The following DPP10 variants were observed in gnomAD, a reference collection of about 807,000 sequenced individuals.
DPP10 encodes the protein inactive dipeptidyl peptidase 10.
In DPP10, 33 loss-of-function variants were observed where a neutral mutation model predicts 120.9. The ratio of observed to expected loss-of-function variants is 0.27; its 90% CI spans 0.21 to 0.37. The LOEUF (loss-of-function observed/expected upper bound fraction) is 0.37, where lower values mean the gene tolerates loss of function less well. Among genes scored for constraint, DPP10 ranks in the 10% least tolerant of loss-of-function variants. DPP10 has a pLI of 1.00. For missense variants in DPP10, 816 were observed against 942.8 expected, an observed-to-expected ratio of 0.87 and a Z score of 1.76; for synonymous variants, 337 against 326.1, an observed-to-expected ratio of 1.03 and a Z score of -0.36.
At chr2:115,015,214 C>A (rs181218112) in intron 1 of DPP10, among the ~76,000 whole-genome samples, 1 of 152,124 alleles carries the variant, frequency 6.6e-6, no homozygotes, top group Admixed American at 6.6e-5. Flanking sequence ...AATCAGTAAA[C>A]GTAACCCATT....
At chr2:115,445,382 G>A (rs2072481374) in intron 3 of DPP10, among the ~76,000 whole-genome samples, 1 of 152,162 alleles carries the variant, frequency 6.6e-6, no homozygotes, top group African/African-American at 2.4e-5. Context: ...GAAGAAGACA[G>A]GAAGATATGG....
intron 1 of DPP10, among the ~76,000 whole-genome samples, chr2:114,964,887 T>C (rs980518177): frequency 5.3e-5 from 8 of 152,124 alleles, no homozygotes; most frequent in African/African-American, 1.4e-4. Context: ...AAGAATTCAG[T>C]TGTGAAATGA....
At chr2:114,688,269 T>G (rs565529507) in intron 1 of DPP10, among the ~76,000 whole-genome samples, 1 of 152,114 alleles carries the variant, frequency 6.6e-6, no homozygotes, top group South Asian at 2.1e-4. Flanking sequence ...AAACCTGCAC[T>G]TGTATCTCCT....
chr2:115,370,822 C>T (rs924988463), intron 3 of DPP10, among the ~76,000 whole-genome samples: 7 of 151,814 alleles, frequency 4.6e-5, no homozygotes, highest in African/African-American at 9.7e-5. Flanking sequence ...GTTTGGGGTA[C>T]GCGTTAAGTA....
intron 5 of DPP10, chr2:115,580,266 A>C (rs2081937242): frequency 6.6e-6 from 1 of 152,340 alleles, no homozygotes; most frequent in African/African-American, 2.4e-5. Context: ...TAAATGAAAA[A>C]GTTGGTTAGA....
intron 3 of DPP10, among the ~76,000 whole-genome samples, chr2:115,376,331 G>C (rs1011934609): frequency 6.6e-6 from 1 of 151,994 alleles, no homozygotes; most frequent in African/African-American, 2.4e-5. Context: ...GAAGAATTTT[G>C]AGTTTTGCCC....
At chr2:115,698,146 T>TA in intron 7 of DPP10, among the ~76,000 whole-genome samples, 1 of 152,272 alleles carries the variant, frequency 6.6e-6, no homozygotes, top group East Asian at 1.9e-4. Flanking sequence ...CAATAGCTTT[T>TA]AAAAAATTAT....
At chr2:115,751,960 G>C (rs572411943) in intron 10 of DPP10, among the ~76,000 whole-genome samples, 2 of 138,858 alleles carry the variant, frequency 1.4e-5, no homozygotes, top group Admixed American at 1.4e-4. Context: ...CACAACACCC[G>C]GCTAATTTTT....
intron 3 of DPP10, among the ~76,000 whole-genome samples, chr2:115,471,778 TTTGTTGTTGTTG>T: frequency 6.7e-6 from 1 of 149,734 alleles, no homozygotes. Flanking sequence ...TCTGTTTTTG[TTTGTTGTTGTTG>T]TTGTTGTTGT....
At chr2:115,406,223 C>T (rs1228634633) in intron 3 of DPP10, among the ~76,000 whole-genome samples, 1 of 152,218 alleles carries the variant, frequency 6.6e-6, no homozygotes, top group Non-Finnish European at 1.5e-5. Context: ...TAATGTCTAA[C>T]AAAGATGGCC....
Position 115,774,209 on chromosome 2 carries a change from TACAC to T in DPP10, c.1222-2970_1222-2967del, listed in dbSNP as rs3069387. Among the ~76,000 whole-genome samples, 852 of 147,212 alleles carry T rather than the reference TACAC, an allele frequency of 5.8e-3. 5 individuals are homozygous for T. Among genetic ancestry groups the T allele is most frequent in the East Asian group, 0.01 (52 of 4,996 alleles). ...ATCTCATTTGTCTTTAAAACACACA[TACAC>T]ACACACACACACACACACACACACA... On this transcript the variant is annotated intron_variant, in intron 13 of 25. Transcript: ENST00000410059.
intron 17 of DPP10, among the ~76,000 whole-genome samples, chr2:115,783,841 C>T (rs536478285): frequency 5.3e-5 from 8 of 152,054 alleles, no homozygotes; most frequent in African/African-American, 1.9e-4. Flanking sequence ...CAAGACAGTG[C>T]GTTAACATCT....
intron 3 of DPP10, among the ~76,000 whole-genome samples, chr2:115,404,263 T>C (rs1288403393): frequency 2.0e-5 from 3 of 151,712 alleles, no homozygotes; most frequent in African/African-American, 7.3e-5. Flanking sequence ...AAGTGGGAGG[T>C]ACCACATACT....
chr2:114,982,830 C>T (rs557316375), intron 1 of DPP10, among the ~76,000 whole-genome samples: 1 of 151,726 alleles, frequency 6.6e-6, no homozygotes, highest in African/African-American at 2.4e-5. Flanking sequence ...TGGTCTTGAA[C>T]TCCTGGGCTC....
chr2:115,033,108 C>A (rs1043044570), intron 1 of DPP10, among the ~76,000 whole-genome samples: 2 of 152,108 alleles, frequency 1.3e-5, no homozygotes, highest in Non-Finnish European at 2.9e-5. Context: ...AGTTTTATTT[C>A]ACTTGAACCT....
intron 1 of DPP10, among the ~76,000 whole-genome samples, chr2:114,742,736 G>C (rs1200624054): frequency 6.6e-6 from 1 of 152,206 alleles, no homozygotes; most frequent in African/African-American, 2.4e-5. Flanking sequence ...AACACTGTGT[G>C]TTTAAGTGTT....
chr2:114,706,022 G>A (rs993834110), intron 1 of DPP10, among the ~76,000 whole-genome samples: 3 of 152,176 alleles, frequency 2.0e-5, no homozygotes, highest in Non-Finnish European at 2.9e-5. Context: ...GTAGGTTTAT[G>A]GAGTTAACTA....
At chr2:114,964,345 C>G (rs1468226614) in intron 1 of DPP10, among the ~76,000 whole-genome samples, 2 of 151,964 alleles carry the variant, frequency 1.3e-5, no homozygotes, top group Non-Finnish European at 2.9e-5. Context: ...TCTTCTTCCT[C>G]TAGGGAGCTC....
chr2:114,812,195 A>G (rs1685234278), intron 1 of DPP10, among the ~76,000 whole-genome samples: 1 of 152,184 alleles, frequency 6.6e-6, no homozygotes, highest in Non-Finnish European at 1.5e-5. Flanking sequence ...ATTTGCAGGA[A>G]CCTATGGTCT....
Sources: gnomAD v4.1 joint callset for allele counts (sites outside exome capture counted in the v4.1 genomes callset) on GRCh38, gnomAD v4.1.1 for gene constraint, MANE v1.5 for transcripts, NCBI Gene and HGNC (gene_info 2026-07-23, HGNC 2026-07-21) for gene names.